Variants in INPP5D observed in about 807,000 individuals in gnomAD.
The protein encoded by INPP5D is phosphatidylinositol 3,4,5-trisphosphate 5-phosphatase 1.
A neutral mutation model predicts 122.9 loss-of-function variants in INPP5D; 33 were observed. That is an observed-to-expected ratio of 0.27 (90% confidence interval 0.20 to 0.36). The LOEUF (loss-of-function observed/expected upper bound fraction) is 0.36, where lower values mean the gene tolerates loss of function less well. Among genes scored for constraint, INPP5D ranks in the 10% least tolerant of loss-of-function variants. The pLI, the probability that INPP5D is intolerant of heterozygous loss-of-function variation, is 1.00. For synonymous variants in INPP5D, 584 were observed against 576.2 expected, an observed-to-expected ratio of 1.01 and a Z score of -0.19; for missense variants, 1,053 against 1,412.7, an observed-to-expected ratio of 0.75 and a Z score of 4.08.
At chr2:233,179,800 G>A (rs1212027448) in intron 18 of INPP5D, among the ~76,000 whole-genome samples, 1 of 152,218 alleles carries the variant, frequency 6.6e-6, no homozygotes, top group Non-Finnish European at 1.5e-5. Context: ...TCAGGAAACA[G>A]GGGTGACCTG....
At chr2:233,077,434 G>T (rs1004115349) in intron 1 of INPP5D, among the ~76,000 whole-genome samples, 2 of 152,126 alleles carry the variant, frequency 1.3e-5, no homozygotes, top group Non-Finnish European at 2.9e-5. Flanking sequence ...GCCGAGGTGG[G>T]TGGATCACCT....
intron 2 of INPP5D, among the ~76,000 whole-genome samples, chr2:233,088,200 C>A (rs1691901973): frequency 6.6e-6 from 1 of 152,178 alleles, no homozygotes; most frequent in Non-Finnish European, 1.5e-5. Flanking sequence ...TGGTCTCAAA[C>A]TTCTGACCTT....
At chr2:233,122,975 A>T (rs1693036077) in intron 3 of INPP5D, among the ~76,000 whole-genome samples, 1 of 152,222 alleles carries the variant, frequency 6.6e-6, no homozygotes, top group Admixed American at 6.5e-5. Flanking sequence ...CCTGGTACAT[A>T]TTCATAGTAA....
chr2:233,140,123 C>G (rs1402144808), intron 6 of INPP5D, 194 bp downstream of exon 6: 2 of 376,664 alleles, frequency 5.3e-6, no homozygotes, highest in Admixed American at 4.5e-5. Context: ...TCTCCCACTG[C>G]CAGATTTTGA....
At chr2:233,198,515 A>G (rs1695245592) in intron 25 of INPP5D, 139 bp downstream of exon 25, 2 of 1,317,644 alleles carry the variant, frequency 1.5e-6, no homozygotes, top group African/African-American at 3.0e-5. Context: ...CTGGGGCCTG[A>G]ACACAGCAGG....
At chr2:233,102,849 C>CAAAAA (rs543054221) in intron 2 of INPP5D, among the ~76,000 whole-genome samples, 18 of 88,850 alleles carry the variant, frequency 2.0e-4, no homozygotes, top group African/African-American at 7.2e-4. Context: ...GACTCCGTCT[C>CAAAAA]AAAAAAAAAA....
intron 18 of INPP5D, among the ~76,000 whole-genome samples, chr2:233,182,058 T>C (rs1013705548): frequency 6.6e-6 from 1 of 152,184 alleles, no homozygotes; most frequent in Non-Finnish European, 1.5e-5. Context: ...ATCGCGCCAC[T>C]GCATTCCAGC....
Position 233,105,649 on chromosome 2 carries a change from G to T in INPP5D, c.199-16458G>T, listed in dbSNP as rs1236695538. On this transcript the variant is annotated intron_variant, in intron 2 of 26. Transcript: ENST00000445964. This position sits in a 1 kb window ranked among gnomAD's most constrained non-coding sequence, Gnocchi z 4.0. ...GGGAAGGGAAGGGTAAGAGGGTAGTGACCGCAAGCGGGCCGCCTGCTGGCT... is the reference window on the plus strand; with the variant it reads ...GGGAAGGGAAGGGTAAGAGGGTAGTTACCGCAAGCGGGCCGCCTGCTGGCT... 6.6e-6 allele frequency among the ~76,000 whole-genome samples: 1 copy of T among 152,224 alleles called. No homozygotes were observed. The highest frequency in any genetic ancestry group is 1.5e-5 in the Non-Finnish European group (1 of 68,042).
rs11432239 is a variant in INPP5D, at chr2:233,071,299, G to GAA, written c.135-8026_135-8025dup. On this transcript the variant is annotated intron_variant, in intron 1 of 26. Coordinates refer to ENST00000445964, the MANE Select transcript of INPP5D (RefSeq NM_001017915.3). ...GAGTGAGTCTCTGCCTCAAAAAAAGGAAAAAAAAAAAGATTTATGTGTATT... is the reference window on the plus strand; with the variant it reads ...GAGTGAGTCTCTGCCTCAAAAAAAGGAAAAAAAAAAAAAGATTTATGTGTATT... Among the ~76,000 whole-genome samples, 25 of 143,084 alleles carry GAA rather than the reference G, an allele frequency of 1.7e-4. No individual in the cohort carries two copies. The East Asian group carries it at 3.6e-3, about 21-fold the overall frequency. The allele number at this position is 143,084 out of a possible 152,430, so 93.9% of individuals were successfully genotyped here.
chr2:233,166,448 G>A (rs759396952), intron 13 of INPP5D, among the ~76,000 whole-genome samples: 6 of 152,316 alleles, frequency 3.9e-5, no homozygotes, highest in African/African-American at 7.2e-5. Flanking sequence ...AGTGTGTGGC[G>A]TGGGCAGAGA....
Position 233,145,969 on chromosome 2 carries a change from T to C in INPP5D, c.754-193T>C, listed in dbSNP as rs1193543537. On this transcript the variant is annotated intron_variant, in intron 6 of 26. Transcript: ENST00000445964. ...CAGGGAAGAAGAAATGAAGATCTAT[T>C]TTTTGGCCATGTGAATTCTGAGAAG... is the stretch of plus-strand genomic sequence containing the variant. 7 of 698,286 alleles carry C rather than the reference T, an allele frequency of 1.0e-5. No homozygotes were observed. In the South Asian group the frequency reaches 1.0e-4, roughly 10 times the overall value. The allele number at this position is 698,286 out of a possible 1,614,324, so 43.3% of individuals were successfully genotyped here. A position where few individuals can be genotyped will look rare whatever the true frequency, so the allele number is the denominator to read the frequency against.
intron 2 of INPP5D, among the ~76,000 whole-genome samples, chr2:233,090,923 A>G (rs1393205315): frequency 6.6e-6 from 1 of 150,636 alleles, no homozygotes; most frequent in Non-Finnish European, 1.5e-5. Flanking sequence ...GCGCCACAAC[A>G]CTCTGGCCTG....
In INPP5D at chr2:233,146,356, G is replaced by A; in HGVS notation, c.835-11G>A. 1.4e-6 allele frequency: 1 copy of A among 704,288 alleles called. No individual in the cohort carries two copies. Among genetic ancestry groups the A allele is most frequent in the Non-Finnish European group, 2.6e-6 (1 of 385,014 alleles). The allele number at this position is 704,288 out of a possible 1,614,324, so 43.6% of individuals were successfully genotyped here. ...CCCTTGACCCTCTGTCTCTAACGCT[G>A]CTGCCCACAGGTCAAGGCCTTGCTG... On this transcript the variant is annotated splice_polypyrimidine_tract_variant and intron_variant, in intron 7 of 26. Transcript: ENST00000445964.
intron 1 of INPP5D, among the ~76,000 whole-genome samples, chr2:233,071,081 C>T (rs1467267502): frequency 6.6e-6 from 1 of 151,938 alleles, no homozygotes; most frequent in Non-Finnish European, 1.5e-5. Context: ...CAAGACCATC[C>T]TGGCTAACAT....
At chr2:233,150,412 CTG>C (rs1186648321) in intron 9 of INPP5D, among the ~76,000 whole-genome samples, 1 of 152,190 alleles carries the variant, frequency 6.6e-6, no homozygotes, top group Non-Finnish European at 1.5e-5. Context: ...CCATGTGGAA[CTG>C]TGAGTCCATT....
chr2:233,161,255 C>T (rs558203016), intron 10 of INPP5D, among the ~76,000 whole-genome samples: 2 of 152,166 alleles, frequency 1.3e-5, no homozygotes, highest in Admixed American at 1.3e-4. Context: ...CCACGCTTGG[C>T]TAATTTTGTA....
At chr2:233,108,905 T>C (rs2106241182) in intron 2 of INPP5D, among the ~76,000 whole-genome samples, 1 of 152,288 alleles carries the variant, frequency 6.6e-6, no homozygotes, top group Admixed American at 6.5e-5. Flanking sequence ...TCTTGCAGCT[T>C]CTGCATGGCA....
At chr2:233,163,561 C>T in intron 11 of INPP5D, 146 bp from the exon 12 acceptor site, 1 of 1,432,480 alleles carries the variant, frequency 7.0e-7, no homozygotes. Context: ...GCCCAGGCCT[C>T]CATTGCAGGC....
Position 233,160,565 on chromosome 2 carries a change from G to A in INPP5D, c.1138-1159G>A, listed in dbSNP as rs1694173984. On this transcript the variant is annotated intron_variant, in intron 10 of 26. Transcript: ENST00000445964. The surrounding 1 kb of genome is among the most constrained non-coding windows in gnomAD (Gnocchi z 4.2). ...CACTCGTATACCATGAGTTAATCTG[G>A]GACTATGCCCCTTCCAGATGTTTTT... 6.6e-6 allele frequency among the ~76,000 whole-genome samples: 1 copy of A among 151,996 alleles called. No homozygotes were observed. Among genetic ancestry groups the A allele is most frequent in the Non-Finnish European group, 1.5e-5 (1 of 67,994 alleles).
Sources: gnomAD v4.1 joint callset for allele counts (sites outside exome capture counted in the v4.1 genomes callset) on GRCh38, gnomAD v4.1.1 for gene constraint, Gnocchi (gnomAD v3.1) non-coding constraint, MANE v1.5 for transcripts, NCBI Gene and HGNC (gene_info 2026-07-23, HGNC 2026-07-21) for gene names.